Variants in NALCN observed in about 807,000 individuals in gnomAD.
NALCN encodes sodium leak channel NALCN.
A neutral mutation model predicts 225.3 loss-of-function variants in NALCN; 111 were observed. That is an observed-to-expected ratio of 0.49 (90% confidence interval 0.42 to 0.58). NALCN has a LOEUF of 0.58. Among genes scored for constraint, NALCN ranks in the 20% least tolerant of loss-of-function variants. The pLI is 0.00. For synonymous variants in NALCN, 764 were observed against 769.0 expected, an observed-to-expected ratio of 0.99 and a Z score of 0.11; for missense variants, 1,378 against 2,202.4, an observed-to-expected ratio of 0.63 and a Z score of 7.49.
intron 18 of NALCN, among the ~76,000 whole-genome samples, chr13:101,112,788 G>A (rs2035513933): frequency 2.6e-5 from 4 of 152,174 alleles, no homozygotes; most frequent in Admixed American, 2.0e-4. Context: ...CCATCTGTCT[G>A]AGAATTAAGA....
intron 11 of NALCN, among the ~76,000 whole-genome samples, chr13:101,241,959 T>C (rs947046335): frequency 9.4e-6 from 1 of 106,098 alleles, no homozygotes; most frequent in African/African-American, 3.4e-5. Context: ...GGGCAGCCAC[T>C]GCCTTGGGGC....
chr13:101,144,258 C>G (rs2037232535), intron 16 of NALCN, among the ~76,000 whole-genome samples: 1 of 152,186 alleles, frequency 6.6e-6, no homozygotes, highest in South Asian at 2.1e-4. Context: ...CACGGTTCTT[C>G]TTTTAAAAAG....
At chr13:101,180,224 T>TTTTTTTA (rs2039143594) in intron 14 of NALCN, 1 of 148,794 alleles carries the variant, frequency 6.7e-6, no homozygotes, top group South Asian at 2.2e-4. Context: ...TTTTTTTTTT[T>TTTTTTTA]GAGACAGGGC....
chr13:101,243,635 G>A lies in NALCN; in HGVS notation c.1267-5713C>T, dbSNP rs1175791695. Among the ~76,000 whole-genome samples, 2 of 105,810 alleles carry A rather than the reference G, an allele frequency of 1.9e-5. 1 individual carries two copies. The highest frequency in any genetic ancestry group is 4.2e-5 in the Non-Finnish European group (2 of 47,308). The allele number at this position is 105,810 out of a possible 152,430, so 69.4% of individuals were successfully genotyped here. A position where few individuals can be genotyped will look rare whatever the true frequency, so the allele number is the denominator to read the frequency against. ...GTAGAGGGCACCATAGTTTACGGAG[G>A]CGAAAGACCTGAAAAGCCATAGCTC... On this transcript the variant is annotated intron_variant, in intron 11 of 43. Coordinates refer to ENST00000251127, the MANE Select transcript of NALCN (RefSeq NM_052867.4).
At chr13:101,351,379 C>T (rs1450502984) in intron 6 of NALCN, among the ~76,000 whole-genome samples, 5 of 152,076 alleles carry the variant, frequency 3.3e-5, no homozygotes, top group Admixed American at 2.0e-4. Flanking sequence ...CATATGTTTG[C>T]TTGTTTGTTT....
chr13:101,137,537 A>C (rs651569), intron 17 of NALCN, among the ~76,000 whole-genome samples: 1,617 of 152,268 alleles, frequency 0.011, 20 homozygotes, highest in South Asian at 0.051. Context: ...AATAAAAAAA[A>C]CGGAAGAGTA....
intron 10 of NALCN, among the ~76,000 whole-genome samples, chr13:101,280,136 G>C (rs184317394): frequency 3.9e-5 from 6 of 152,170 alleles, no homozygotes; most frequent in Admixed American, 3.9e-4. Context: ...CTCCTGCCCG[G>C]TACAAACAGA....
At chr13:101,122,727 G>A (rs1282640140) in intron 18 of NALCN, among the ~76,000 whole-genome samples, 1 of 152,144 alleles carries the variant, frequency 6.6e-6, no homozygotes, top group Admixed American at 6.5e-5. Context: ...AGTTTTCATT[G>A]TTGAACCAAT....
chr13:101,232,668 G>A (rs12583085), intron 12 of NALCN, among the ~76,000 whole-genome samples: 23,954 of 151,636 alleles, frequency 0.16, 2,256 homozygotes, highest in East Asian at 0.36. Flanking sequence ...GGATGGTCTC[G>A]ATCTCCTGAC....
chr13:101,259,732 GTA>G (rs35199456), intron 10 of NALCN, among the ~76,000 whole-genome samples: 13 of 119,366 alleles, frequency 1.1e-4, no homozygotes, highest in African/African-American at 3.1e-4. Context: ...CATAGTAAGT[GTA>G]TATATATATA....
intron 3 of NALCN, among the ~76,000 whole-genome samples, chr13:101,382,824 T>G (rs774153285): frequency 1.2e-4 from 18 of 152,162 alleles, no homozygotes; most frequent in Non-Finnish European, 2.1e-4. Flanking sequence ...CTTGGACTTT[T>G]CAGAAACATA....
chr13:101,229,307 G>C, intron 13 of NALCN, 86 bp downstream of exon 13: 1 of 1,208,100 alleles, frequency 8.3e-7, no homozygotes, highest in Non-Finnish European at 1.1e-6. Context: ...ACTTCTGAAT[G>C]ACTAAAGTGA....
intron 10 of NALCN, among the ~76,000 whole-genome samples, chr13:101,273,903 A>AAAAAG (rs1430944462): frequency 2.0e-5 from 3 of 149,110 alleles, no homozygotes; most frequent in African/African-American, 7.4e-5. Context: ...AAAAAAAAAA[A>AAAAAG]AAAAGAAAAT....
chr13:101,204,666 C>T (rs1045406221), intron 13 of NALCN, among the ~76,000 whole-genome samples: 3 of 152,058 alleles, frequency 2.0e-5, no homozygotes, highest in African/African-American at 7.2e-5. Context: ...TTGGCAAAAA[C>T]CAGCGAATCT....
intron 37 of NALCN, among the ~76,000 whole-genome samples, chr13:101,071,715 A>G (rs1228801593): frequency 6.6e-6 from 1 of 152,204 alleles, no homozygotes; most frequent in Admixed American, 6.5e-5. Context: ...TGTTCACTGG[A>G]GTAGCATTTT....
intron 27 of NALCN, among the ~76,000 whole-genome samples, chr13:101,097,165 T>C (rs1790416406): frequency 6.6e-6 from 1 of 152,180 alleles, no homozygotes; most frequent in Admixed American, 6.5e-5. Flanking sequence ...TTAATGCAAA[T>C]AACACATCTT....
chr13:101,305,605 G>A (rs770050100), intron 7 of NALCN, among the ~76,000 whole-genome samples: 14 of 152,128 alleles, frequency 9.2e-5, no homozygotes, highest in Non-Finnish European at 1.5e-4. Flanking sequence ...TTATTTGCAC[G>A]ACAAATTCAA....
At chr13:101,307,464 A>T (rs1447738802) in intron 7 of NALCN, among the ~76,000 whole-genome samples, 1 of 152,212 alleles carries the variant, frequency 6.6e-6, no homozygotes. Flanking sequence ...GACTAAACAC[A>T]TCCCTGAGTT....
At chr13:101,286,474 C>T (rs1050228162) in intron 9 of NALCN, among the ~76,000 whole-genome samples, 10 of 152,142 alleles carry the variant, frequency 6.6e-5, no homozygotes, top group African/African-American at 2.4e-4. Flanking sequence ...TACAAGGTGA[C>T]TGTGGTAATG....
Sources: gnomAD v4.1 joint callset for allele counts (sites outside exome capture counted in the v4.1 genomes callset) on GRCh38, gnomAD v4.1.1 for gene constraint, MANE v1.5 for transcripts, NCBI Gene and HGNC (gene_info 2026-07-23, HGNC 2026-07-21) for gene names.